The following KSR2 variants were observed in gnomAD, a reference collection of about 807,000 sequenced individuals.
KSR2 encodes the protein kinase suppressor of ras 2.
In KSR2, 25 loss-of-function variants were observed where a neutral mutation model predicts 107.8. The observed-to-expected ratio is 0.23, with a 90% CI of 0.17 to 0.32. The LOEUF (loss-of-function observed/expected upper bound fraction) is 0.32. KSR2 is among the 10% of genes least tolerant of loss of function. The pLI, the probability that KSR2 is intolerant of heterozygous loss-of-function variation, is 1.00. For synonymous variants in KSR2, 480 were observed against 507.0 expected, an observed-to-expected ratio of 0.95 and a Z score of 0.71; for missense variants, 887 against 1,268.9, an observed-to-expected ratio of 0.70 and a Z score of 4.57.
chr12:117,947,703 C>T (rs901272665), intron 1 of KSR2, among the ~76,000 whole-genome samples: 9 of 151,916 alleles, frequency 5.9e-5, no homozygotes, highest in African/African-American at 2.2e-4. Flanking sequence ...AAGGTCAACA[C>T]AAAAATCAAT....
intron 1 of KSR2, among the ~76,000 whole-genome samples, chr12:117,947,192 AAAGAAAAG>A (rs1276478999): frequency 0.012 from 1,131 of 94,904 alleles, 25 homozygotes; most frequent in South Asian, 0.037. Flanking sequence ...GAAAGAAAAG[AAAGAAAAG>A]AAAGAAAAGA....
rs111794091 is a variant in KSR2 at position 117,541,226 on chromosome 12, C to A, written c.1519-1339G>T. Among the ~76,000 whole-genome samples the A allele has an allele frequency of 1.5e-4, 18 of 118,910 alleles. No homozygotes were observed. The South Asian group carries it at 2.6e-3, about 17-fold the overall frequency. 78.0% of individuals were successfully genotyped at this position (118,910 alleles called of 152,430 possible). ...GGAGGAACAGTAGCTGATGTGGAGG[C>A]ATGGGAGGCAGGGAGGCAGGCAGGG... On this transcript the variant is annotated intron_variant, in intron 9 of 19. Coordinates refer to ENST00000339824, the MANE Select transcript of KSR2 (RefSeq NM_173598.6).
At chr12:117,684,904 G>A (rs985534626) in intron 4 of KSR2, among the ~76,000 whole-genome samples, 2 of 152,172 alleles carry the variant, frequency 1.3e-5, no homozygotes, top group Admixed American at 1.3e-4. Flanking sequence ...TACCGTAAGA[G>A]TTGATCGCAT....
chr12:117,764,649 T>C (rs1478272468), intron 3 of KSR2, among the ~76,000 whole-genome samples: 1 of 152,168 alleles, frequency 6.6e-6, no homozygotes, highest in Non-Finnish European at 1.5e-5. Flanking sequence ...TCACCATCAT[T>C]ACAGTATCTA....
intron 5 of KSR2, among the ~76,000 whole-genome samples, chr12:117,631,604 A>G (rs1157809737): frequency 6.6e-6 from 1 of 152,186 alleles, no homozygotes; most frequent in Non-Finnish European, 1.5e-5. Context: ...AATATGCTAA[A>G]TATTATGATA....
intron 5 of KSR2, among the ~76,000 whole-genome samples, chr12:117,603,051 T>C (rs1185102227): frequency 6.6e-6 from 1 of 152,196 alleles, no homozygotes; most frequent in Non-Finnish European, 1.5e-5. Flanking sequence ...CTCTTTTCCA[T>C]CCATCTCAAT....
chr12:117,704,978 T>C (rs1309652909), intron 4 of KSR2, among the ~76,000 whole-genome samples: 1 of 152,144 alleles, frequency 6.6e-6, no homozygotes, highest in African/African-American at 2.4e-5. Context: ...GTCTGAACTT[T>C]TATTCAGTCG....
chr12:117,809,396 C>T (rs1373345885), intron 3 of KSR2, among the ~76,000 whole-genome samples: 1 of 152,102 alleles, frequency 6.6e-6, no homozygotes, highest in Admixed American at 6.5e-5. Flanking sequence ...GGCGAAGTAG[C>T]ACCCCCACCC....
chr12:117,488,317 A>G (rs539470881), intron 14 of KSR2, among the ~76,000 whole-genome samples: 8 of 152,252 alleles, frequency 5.3e-5, no homozygotes, highest in Non-Finnish European at 8.8e-5. Flanking sequence ...AGTACCCAAC[A>G]GATATGAATT....
rs557691815 is a variant in KSR2, at chr12:117,719,254, A to AC, written c.986+41756dup. ...CCCCAGTCCAGACTGGAGTGCAGTG[A>AC]CACCATCTTGGATCACTGCAACCTC... is the stretch of plus-strand genomic sequence containing the variant. On this transcript the variant is annotated intron_variant, in intron 4 of 19. Coordinates refer to ENST00000339824, the MANE Select transcript of KSR2 (RefSeq NM_173598.6). 3.2e-3 allele frequency among the ~76,000 whole-genome samples: 480 copies of AC among 152,226 alleles called. 4 individuals carry two copies. The highest frequency in any genetic ancestry group is 4.5e-3 in the Non-Finnish European group (307 of 68,006).
At chr12:117,818,108 T>TAA (rs58438814) in intron 3 of KSR2, among the ~76,000 whole-genome samples, 3 of 145,176 alleles carry the variant, frequency 2.1e-5, no homozygotes, top group Non-Finnish European at 3.1e-5. Flanking sequence ...TTCAAAAAAA[T>TAA]AAAAAAAAAA....
Position 117,467,178 on chromosome 12 carries a change from C to T in KSR2, c.*21G>A, listed in dbSNP as rs767356805. The T allele has an allele frequency of 1.4e-5, 10 of 711,878 alleles. No individual in the cohort carries two copies. The highest frequency in any genetic ancestry group is 2.5e-4 in the Middle Eastern group (1 of 4,068). 44.1% of individuals were successfully genotyped at this position (711,878 alleles called of 1,614,324 possible). A position where few individuals can be genotyped will look rare whatever the true frequency, so the allele number is the denominator to read the frequency against. On this transcript the variant is annotated 3_prime_UTR_variant, in exon 20 of 20. Transcript: ENST00000339824. Reference sequence around the variant, plus strand: ...GGTGACGGGAGCCCAGGCAGCTGGGCGCCGTCCCGATGTCCAAAGGTCACA... The same window carrying T: ...GGTGACGGGAGCCCAGGCAGCTGGGTGCCGTCCCGATGTCCAAAGGTCACA...
In KSR2 at chr12:117,936,511, T is replaced by TTTATTA. The variant is rs145675167; in HGVS notation, c.180+31559_180+31564dup. ...CTGGCTACTTTATCATTATTATTATTTTATTATTATTATTATTATTATTAG... is the reference window on the plus strand; with the variant it reads ...CTGGCTACTTTATCATTATTATTATTTTATTATTATTATTATTATTATTATTATTAG... On this transcript the variant is annotated intron_variant, in intron 1 of 19. Transcript: ENST00000339824. Among the ~76,000 whole-genome samples, 16 of 139,822 alleles carry TTTATTA rather than the reference T, an allele frequency of 1.1e-4. No homozygotes were observed. The South Asian group carries it at 2.5e-3, about 22-fold the overall frequency. 91.7% of individuals were successfully genotyped at this position (139,822 alleles called of 152,430 possible).
Position 117,573,163 on chromosome 12 carries a change from A to G in KSR2, c.1325+5956T>C, listed in dbSNP as rs527735309. 7.9e-5 allele frequency among the ~76,000 whole-genome samples: 12 copies of G among 152,310 alleles called. No homozygotes were observed. In the South Asian group the frequency reaches 2.5e-3, roughly 32 times the overall value. ...ACAAGACAGCTAATGATAATTCCGG[A>G]GGAAGTGGGCATTAAATCGGAGCAG... On this transcript the variant is annotated intron_variant, in intron 7 of 19. Coordinates refer to ENST00000339824, the MANE Select transcript of KSR2 (RefSeq NM_173598.6).
In KSR2 at chr12:117,844,454, G is replaced by A. The variant is rs552457482; in HGVS notation, c.472+10974C>T. Among the ~76,000 whole-genome samples, 7 of 144,570 alleles carry A rather than the reference G, an allele frequency of 4.8e-5. No individual in the cohort carries two copies. In the South Asian group the frequency reaches 8.8e-4, roughly 18 times the overall value. 94.8% of individuals were successfully genotyped at this position (144,570 alleles called of 152,430 possible). A position where few individuals can be genotyped will look rare whatever the true frequency, so the allele number is the denominator to read the frequency against. ...ATAAGAAAAAAAAACAACTTGCTGA[G>A]ATGCTGAAATTCCCTCCTCTTCTGA... is the stretch of plus-strand genomic sequence containing the variant. On this transcript the variant is annotated intron_variant, in intron 3 of 19. Coordinates refer to ENST00000339824, the MANE Select transcript of KSR2 (RefSeq NM_173598.6).
At chr12:117,601,820 T>TC (rs1880971983) in intron 5 of KSR2, among the ~76,000 whole-genome samples, 1 of 152,290 alleles carries the variant, frequency 6.6e-6, no homozygotes, top group African/African-American at 2.4e-5. Context: ...ACTCTCTGCC[T>TC]CCAGACAAGA....
chr12:117,862,130 T>A (rs1893320964), intron 1 of KSR2, among the ~76,000 whole-genome samples: 1 of 151,440 alleles, frequency 6.6e-6, no homozygotes, highest in South Asian at 2.1e-4. Flanking sequence ...GGTGCAATCA[T>A]AGCTCACTGC....
At chr12:117,736,859 T>C (rs1422748490) in intron 4 of KSR2, among the ~76,000 whole-genome samples, 1 of 149,458 alleles carries the variant, frequency 6.7e-6, no homozygotes, top group Non-Finnish European at 1.5e-5. Flanking sequence ...AGAGTAAACA[T>C]CAGTTTACAG....
At chr12:117,760,278 A>G (rs779137684) in intron 4 of KSR2, among the ~76,000 whole-genome samples, 2 of 152,086 alleles carry the variant, frequency 1.3e-5, no homozygotes, top group Non-Finnish European at 2.9e-5. Flanking sequence ...TACATCACAC[A>G]CCTGCTCTCT....
Sources: allele counts gnomAD v4.1 joint callset (sites outside exome capture counted in the v4.1 genomes callset), GRCh38; gene constraint gnomAD v4.1.1; transcripts MANE v1.5; gene names NCBI Gene and HGNC (gene_info 2026-07-23, HGNC 2026-07-21).